Variants in NRXN3 observed in about 807,000 individuals in gnomAD.
NRXN3 encodes neurexin 3.
In NRXN3, 32 loss-of-function variants were observed where a neutral mutation model predicts 137.6. The observed-to-expected ratio is 0.23, with a 90% CI of 0.18 to 0.31. The LOEUF is 0.31. NRXN3 is among the 10% of genes least tolerant of loss of function. The pLI, the probability that NRXN3 is intolerant of heterozygous loss-of-function variation, is 1.00. For synonymous variants in NRXN3, 798 were observed against 784.5 expected (o/e 1.02, Z -0.29); for missense variants, 1,574 against 2,062.5 (o/e 0.76, Z 4.59).
At chr14:79,167,818 C>G (rs918163622) in intron 15 of NRXN3, among the ~76,000 whole-genome samples, 1 of 151,974 alleles carries the variant, frequency 6.6e-6, no homozygotes. Flanking sequence ...TCCCTCTTGC[C>G]CCTACCTGCT....
At chr14:79,238,814 C>G (rs2073849850) in intron 15 of NRXN3, among the ~76,000 whole-genome samples, 1 of 152,082 alleles carries the variant, frequency 6.6e-6, no homozygotes, top group Non-Finnish European at 1.5e-5. Flanking sequence ...ACTGGGTGAT[C>G]TTTTCTCCAG....
chr14:79,654,298 T>C (rs2098493346), intron 16 of NRXN3, among the ~76,000 whole-genome samples: 1 of 151,104 alleles, frequency 6.6e-6, no homozygotes, highest in African/African-American at 2.4e-5. Context: ...AAGAAAATCA[T>C]AGGTGACCTT....
At chr14:78,444,884 A>C (rs1458105294) in intron 4 of NRXN3, among the ~76,000 whole-genome samples, 1 of 130,350 alleles carries the variant, frequency 7.7e-6, no homozygotes, top group Non-Finnish European at 1.5e-5. Context: ...GCACCACTGC[A>C]CTCCAGCCTG....
At chr14:78,317,236 G>T (rs2078809473) in intron 4 of NRXN3, among the ~76,000 whole-genome samples, 2 of 152,146 alleles carry the variant, frequency 1.3e-5, no homozygotes, top group Admixed American at 6.5e-5. Context: ...GTCCTCAGTG[G>T]ATTAGATCAG....
At chr14:79,729,262 C>T (rs2098911933) in intron 19 of NRXN3, among the ~76,000 whole-genome samples, 2 of 152,112 alleles carry the variant, frequency 1.3e-5, no homozygotes, top group Admixed American at 6.5e-5. Flanking sequence ...AGTTAGTGAT[C>T]TAGGGCTAAT....
intron 4 of NRXN3, among the ~76,000 whole-genome samples, chr14:78,526,378 G>A (rs2096379956): frequency 1.3e-5 from 2 of 152,228 alleles, no homozygotes; most frequent in South Asian, 4.1e-4. Context: ...ATAGCCAGCA[G>A]GCCTGGCTTT....
At chr14:79,093,233 C>G (rs1345978787) in intron 15 of NRXN3, among the ~76,000 whole-genome samples, 2 of 152,094 alleles carry the variant, frequency 1.3e-5, no homozygotes, top group African/African-American at 2.4e-5. Flanking sequence ...GGAAAGCTTC[C>G]TGGACAAGAA....
intron 10 of NRXN3, among the ~76,000 whole-genome samples, chr14:78,837,288 G>A (rs1450456672): frequency 6.6e-6 from 1 of 152,140 alleles, no homozygotes; most frequent in African/African-American, 2.4e-5. Flanking sequence ...CTGTTAAAAT[G>A]AAAACAAACC....
chr14:78,328,421 C>A (rs1026301716), intron 4 of NRXN3, among the ~76,000 whole-genome samples: 1 of 152,100 alleles, frequency 6.6e-6, no homozygotes, highest in Non-Finnish European at 1.5e-5. Context: ...CATCATTAAC[C>A]ACAGCATCAT....
chr14:78,170,996 T>C (rs556646235), intron 1 of NRXN3, among the ~76,000 whole-genome samples: 185 of 150,630 alleles, frequency 1.2e-3, no homozygotes, highest in African/African-American at 4.4e-3. Flanking sequence ...TTTGCTTGAA[T>C]TGTTAGTCTG....
intron 4 of NRXN3, among the ~76,000 whole-genome samples, chr14:78,634,598 G>A (rs1486636204): frequency 6.6e-6 from 1 of 152,130 alleles, no homozygotes; most frequent in Admixed American, 6.5e-5. Flanking sequence ...TGCAAACATT[G>A]CTTTACCCAT....
chr14:79,825,006 C>G (rs974433730), intron 20 of NRXN3, among the ~76,000 whole-genome samples: 1 of 152,128 alleles, frequency 6.6e-6, no homozygotes, highest in Non-Finnish European at 1.5e-5. Context: ...GTCAGGCACT[C>G]CTACTAAAGA....
intron 10 of NRXN3, among the ~76,000 whole-genome samples, chr14:78,860,039 T>A (rs7157445): frequency 0.053 from 8,116 of 152,154 alleles, 382 homozygotes; most frequent in East Asian, 0.25. Context: ...TTCCTTTCTC[T>A]TTGACAGTTT....
At chr14:79,348,030 T>C (rs2092986893) in intron 15 of NRXN3, among the ~76,000 whole-genome samples, 1 of 152,206 alleles carries the variant, frequency 6.6e-6, no homozygotes, top group South Asian at 2.1e-4. Context: ...TTTTAAGCTT[T>C]ACATAACCTT....
At chr14:78,939,938 T>A (rs550206268) in intron 10 of NRXN3, among the ~76,000 whole-genome samples, 13 of 152,350 alleles carry the variant, frequency 8.5e-5, no homozygotes, top group African/African-American at 3.1e-4. Context: ...AACTTTTTGT[T>A]GCTTGCTATG....
chr14:79,422,233 T>G (rs539307717), intron 15 of NRXN3, among the ~76,000 whole-genome samples: 2 of 146,812 alleles, frequency 1.4e-5, no homozygotes, highest in African/African-American at 5.0e-5. Flanking sequence ...AATTTTTTTT[T>G]TGTCTTTTTT....
At chr14:78,887,464 C>T (rs966981285) in intron 10 of NRXN3, among the ~76,000 whole-genome samples, 1 of 151,884 alleles carries the variant, frequency 6.6e-6, no homozygotes, top group Non-Finnish European at 1.5e-5. Flanking sequence ...GTTACTTTTG[C>T]ACCAACCTGA....
intron 8 of NRXN3, among the ~76,000 whole-genome samples, chr14:78,793,201 T>C (rs1049696709): frequency 1.1e-4 from 16 of 152,124 alleles, no homozygotes; most frequent in Admixed American, 7.2e-4. Context: ...TAAACTAACT[T>C]ATTTTTAACT....
intron 15 of NRXN3, among the ~76,000 whole-genome samples, chr14:79,358,617 GAAAGAA>G (rs1566902570): frequency 4.6e-4 from 61 of 133,598 alleles, no homozygotes; most frequent in Non-Finnish European, 7.8e-4. Context: ...GAGAAAGAAA[GAAAGAA>G]AGAAAGAAAG....
Sources: gnomAD v4.1 joint callset for allele counts (sites outside exome capture counted in the v4.1 genomes callset) on GRCh38, gnomAD v4.1.1 for gene constraint, MANE v1.5 for transcripts, NCBI Gene and HGNC (gene_info 2026-07-23, HGNC 2026-07-21) for gene names.